ERP44: variants seen among roughly 807,000 people sequenced by gnomAD.
The protein encoded by ERP44 is endoplasmic reticulum protein 44.
In ERP44, 25 loss-of-function variants were observed where a neutral mutation model predicts 53.4. That is an observed-to-expected ratio of 0.47 (90% CI 0.34 to 0.65). The LOEUF (loss-of-function observed/expected upper bound fraction) is 0.65, where lower values mean the gene tolerates loss of function less well. Among genes scored for constraint, ERP44 ranks in the 30% least tolerant of loss-of-function variants. ERP44 has a pLI of 0.01. For synonymous variants in ERP44, 145 were observed against 161.2 expected, an observed-to-expected ratio of 0.90 and a Z score of 0.76; for missense variants, 338 against 493.2, an observed-to-expected ratio of 0.69 and a Z score of 2.98.
intron 4 of ERP44, among the ~76,000 whole-genome samples, chr9:100,048,862 G>T (rs997458280): frequency 1.3e-5 from 2 of 152,156 alleles, no homozygotes; most frequent in East Asian, 3.9e-4. Flanking sequence ...CAGGGGCTGG[G>T]GAGAATGGGC....
chr9:99,992,468 C>A (rs921236098), intron 10 of ERP44, among the ~76,000 whole-genome samples: 1 of 152,130 alleles, frequency 6.6e-6, no homozygotes, highest in Non-Finnish European at 1.5e-5. Context: ...ATTCAACAGC[C>A]CTTCATGCTA....
chr9:100,021,724 C>G (rs1371332179), intron 5 of ERP44, among the ~76,000 whole-genome samples: 1 of 152,172 alleles, frequency 6.6e-6, no homozygotes, highest in African/African-American at 2.4e-5. Flanking sequence ...CTGAAGCTCT[C>G]CACAAGAAAA....
At chr9:100,058,579 C>T (rs574586158) in intron 2 of ERP44, among the ~76,000 whole-genome samples, 1 of 152,100 alleles carries the variant, frequency 6.6e-6, no homozygotes, top group Non-Finnish European at 1.5e-5. Context: ...ATTTTTAAAC[C>T]TCACATATAC....
chr9:100,080,344 T>C (rs1826409645), intron 1 of ERP44, among the ~76,000 whole-genome samples: 1 of 152,098 alleles, frequency 6.6e-6, no homozygotes, highest in Admixed American at 6.5e-5. Context: ...GGACTGAACA[T>C]CTGCTCACCT....
At chr9:99,985,403 A>T (rs541023814) in intron 10 of ERP44, among the ~76,000 whole-genome samples, 42 of 151,888 alleles carry the variant, frequency 2.8e-4, no homozygotes, top group African/African-American at 9.7e-4. Context: ...ATATGTAACT[A>T]AAAAAAAACT....
intron 1 of ERP44, among the ~76,000 whole-genome samples, chr9:100,061,468 T>A (rs1826147892): frequency 6.8e-6 from 1 of 147,558 alleles, no homozygotes; most frequent in Non-Finnish European, 1.5e-5. Context: ...AATATATATA[T>A]AAATATTTAT....
chr9:99,986,619 G>A (rs1170435142), intron 10 of ERP44, among the ~76,000 whole-genome samples: 4 of 151,924 alleles, frequency 2.6e-5, no homozygotes, highest in African/African-American at 9.7e-5. Flanking sequence ...TTGAGGTCCC[G>A]GAAGTGCTGT....
At chr9:100,000,460 T>C (rs1000355523) in intron 10 of ERP44, among the ~76,000 whole-genome samples, 8 of 148,298 alleles carry the variant, frequency 5.4e-5, no homozygotes, top group Non-Finnish European at 8.9e-5. Flanking sequence ...AAAAACTTTC[T>C]CCCTTCTTCA....
intron 1 of ERP44, among the ~76,000 whole-genome samples, chr9:100,080,940 G>GA (rs959940113): frequency 2.3e-4 from 34 of 148,886 alleles, no homozygotes; most frequent in African/African-American, 8.4e-4. Flanking sequence ...ACCAATATAA[G>GA]AAAAAAAGCT....
intron 3 of ERP44, among the ~76,000 whole-genome samples, chr9:100,055,729 A>AT (rs1211823781): frequency 2.0e-5 from 3 of 152,212 alleles, no homozygotes; most frequent in African/African-American, 7.2e-5. Context: ...CCATAAATAT[A>AT]TATACCTACT....
intron 4 of ERP44, among the ~76,000 whole-genome samples, chr9:100,025,961 A>AT (rs1235773060): frequency 6.6e-6 from 1 of 152,228 alleles, no homozygotes; most frequent in Non-Finnish European, 1.5e-5. Context: ...ACTTTGTATC[A>AT]TATTTTTAAG....
At chr9:100,069,161 C>T (rs1033760846) in intron 1 of ERP44, among the ~76,000 whole-genome samples, 3 of 151,812 alleles carry the variant, frequency 2.0e-5, no homozygotes, top group Non-Finnish European at 2.9e-5. Flanking sequence ...TGCGGAAGGC[C>T]GCAGGGTCCT....
At chr9:100,016,245 T>C (rs1821956857) in intron 8 of ERP44, 77 bp downstream of exon 8, 2 of 1,526,694 alleles carry the variant, frequency 1.3e-6, no homozygotes, top group African/African-American at 1.4e-5. Context: ...TCTGTTAACA[T>C]AGTAAGACAG....
chr9:99,989,366 C>A (rs946553202), intron 10 of ERP44, among the ~76,000 whole-genome samples: 4 of 152,186 alleles, frequency 2.6e-5, no homozygotes, highest in Non-Finnish European at 5.9e-5. Flanking sequence ...AATTGCCCTC[C>A]TGCAATATTT....
At chr9:100,069,808 A>T (rs968363371) in intron 1 of ERP44, among the ~76,000 whole-genome samples, 1 of 152,136 alleles carries the variant, frequency 6.6e-6, no homozygotes, top group Non-Finnish European at 1.5e-5. Context: ...AAAGAAACAA[A>T]ATTTGTTGCA....
At chr9:100,039,110 T>G (rs1053916722) in intron 4 of ERP44, among the ~76,000 whole-genome samples, 5 of 152,172 alleles carry the variant, frequency 3.3e-5, no homozygotes, top group Non-Finnish European at 7.3e-5. Flanking sequence ...TACCCTACTT[T>G]CAGTCTTGGA....
chr9:100,090,905 T>G (rs528997587), intron 1 of ERP44, among the ~76,000 whole-genome samples: 1 of 152,200 alleles, frequency 6.6e-6, no homozygotes, highest in Non-Finnish European at 1.5e-5. Flanking sequence ...TTTTAAAAAT[T>G]TATTTTTCCC....
At chr9:100,042,466 A>G (rs535704992) in intron 4 of ERP44, among the ~76,000 whole-genome samples, 4 of 152,222 alleles carry the variant, frequency 2.6e-5, no homozygotes, top group South Asian at 2.1e-4. Flanking sequence ...GTAGGAATGT[A>G]TATTAGTACA....
chr9:100,082,557 G>A (rs1165198175), intron 1 of ERP44, among the ~76,000 whole-genome samples: 1 of 151,978 alleles, frequency 6.6e-6, no homozygotes, highest in Non-Finnish European at 1.5e-5. Context: ...TCGTCCATGG[G>A]TACCTACAGG....
Sources: gnomAD v4.1 joint callset for allele counts (sites outside exome capture counted in the v4.1 genomes callset) on GRCh38, gnomAD v4.1.1 for gene constraint, MANE v1.5 for transcripts, NCBI Gene and HGNC (gene_info 2026-07-23, HGNC 2026-07-21) for gene names.